ITGBL1: variants seen among roughly 807,000 people sequenced by gnomAD.
The protein encoded by ITGBL1 is integrin beta-like protein 1.
A neutral mutation model predicts 68.5 loss-of-function variants in ITGBL1; 51 were observed. The observed-to-expected ratio is 0.74, with a 90% CI of 0.59 to 0.94. ITGBL1 has a LOEUF of 0.94. Among genes scored for constraint, ITGBL1 ranks in the 40% least tolerant of loss-of-function variants. The pLI, the probability that ITGBL1 is intolerant of heterozygous loss-of-function variation, is 0.00. For missense variants in ITGBL1, 649 were observed against 647.4 expected (o/e 1.00, Z -0.03); for synonymous variants, 209 against 227.3 (o/e 0.92, Z 0.72).
chr13:101,485,013 A>G (rs1221943689), intron 2 of ITGBL1, among the ~76,000 whole-genome samples: 2 of 152,206 alleles, frequency 1.3e-5, no homozygotes, highest in Non-Finnish European at 2.9e-5. Flanking sequence ...ATACAGAGGA[A>G]CGAAAATAAG....
At chr13:101,619,982 C>A (rs909575953) in intron 7 of ITGBL1, among the ~76,000 whole-genome samples, 1 of 151,998 alleles carries the variant, frequency 6.6e-6, no homozygotes, top group African/African-American at 2.4e-5. Flanking sequence ...CAATTTATTC[C>A]ATGTTGTAAT....
rs533179356 is a variant in ITGBL1, at chr13:101,528,151, G to A, written c.317-39548G>A. Among the ~76,000 whole-genome samples, 11 of 150,986 alleles carry A rather than the reference G, an allele frequency of 7.3e-5. No homozygotes were observed. The South Asian group carries it at 2.3e-3, about 32-fold the overall frequency. On this transcript the variant is annotated intron_variant, in intron 2 of 10. Coordinates refer to ENST00000376180, the MANE Select transcript of ITGBL1 (RefSeq NM_004791.3). Reference sequence around the variant, plus strand: ...TTGTTTTTATATAAAAATATATATAGGTTTATTAATATTTAATGGTTTATT... The same window carrying A: ...TTGTTTTTATATAAAAATATATATAAGTTTATTAATATTTAATGGTTTATT...
intron 2 of ITGBL1, among the ~76,000 whole-genome samples, chr13:101,512,114 A>AT (rs944749630): frequency 2.0e-5 from 3 of 151,896 alleles, no homozygotes; most frequent in African/African-American, 7.3e-5. Context: ...TACTCGTCCT[A>AT]TTTTTTCTAT....
chr13:101,586,091 A>G (rs999157298), intron 6 of ITGBL1, among the ~76,000 whole-genome samples: 1 of 152,136 alleles, frequency 6.6e-6, no homozygotes, highest in Non-Finnish European at 1.5e-5. Context: ...GCAGCGTGTC[A>G]TTTAGTCTTG....
intron 7 of ITGBL1, among the ~76,000 whole-genome samples, chr13:101,608,053 A>G (rs2030953983): frequency 6.6e-6 from 1 of 152,062 alleles, no homozygotes; most frequent in Non-Finnish European, 1.5e-5. Flanking sequence ...TAAACACATA[A>G]CCATACACCC....
chr13:101,595,510 A>C (rs931593108), intron 6 of ITGBL1, among the ~76,000 whole-genome samples: 37 of 152,040 alleles, frequency 2.4e-4, no homozygotes, highest in Non-Finnish European at 4.1e-4. Flanking sequence ...AGCAAAAAAA[A>C]TCAAACAACC....
intron 2 of ITGBL1, among the ~76,000 whole-genome samples, chr13:101,481,079 T>TACAC (rs779796640): frequency 0.23 from 10,740 of 46,584 alleles, 599 homozygotes; most frequent in East Asian, 0.58. Context: ...TACATATATA[T>TACAC]ACACACATAT....
rs143976531 is a variant in ITGBL1 at position 101,675,135 on chromosome 13, C to T, written c.1016-17450C>T. Among the ~76,000 whole-genome samples the T allele has an allele frequency of 3.0e-4, 46 of 152,076 alleles. No homozygotes were observed. The East Asian group carries it at 6.9e-3, about 23-fold the overall frequency. On this transcript the variant is annotated intron_variant, in intron 7 of 10. Coordinates refer to ENST00000376180, the MANE Select transcript of ITGBL1 (RefSeq NM_004791.3). The stretch of plus-strand genomic sequence containing the variant: ...CCATTTCATCATCATCTGGTTTGGC[C>T]ATTTGTTTTGGTAATTCAGTTATCA...
At chr13:101,576,879 G>T (rs559672576) in intron 4 of ITGBL1, among the ~76,000 whole-genome samples, 1 of 151,522 alleles carries the variant, frequency 6.6e-6, no homozygotes, top group African/African-American at 2.4e-5. Flanking sequence ...AAAATAATTA[G>T]ATCAATTAGA....
intron 2 of ITGBL1, among the ~76,000 whole-genome samples, chr13:101,512,347 C>T (rs1318018477): frequency 6.6e-6 from 1 of 152,134 alleles, no homozygotes; most frequent in East Asian, 1.9e-4. Context: ...AAATTTCTGT[C>T]TCCACGTCTC....
intron 6 of ITGBL1, among the ~76,000 whole-genome samples, chr13:101,588,311 G>GTGTGTGTGTA (rs1346199877): frequency 6.6e-6 from 1 of 151,912 alleles, no homozygotes; most frequent in Non-Finnish European, 1.5e-5. Flanking sequence ...GTGTGTGTGT[G>GTGTGTGTGTA]TGTGCATGTG....
chr13:101,718,793 A>G (rs1006932942), downstream of ITGBL1: 1 of 152,014 alleles, frequency 6.6e-6, no homozygotes, highest in African/African-American at 2.4e-5. Context: ...AAAAAAAAAA[A>G]AACTAAAATA....
At chr13:101,666,994 T>C (rs1336454241) in intron 7 of ITGBL1, among the ~76,000 whole-genome samples, 2 of 152,200 alleles carry the variant, frequency 1.3e-5, no homozygotes, top group Non-Finnish European at 2.9e-5. Context: ...GCAAAACGAT[T>C]TGTCCAAATC....
chr13:101,702,543 T>C (rs1216804125), intron 8 of ITGBL1, among the ~76,000 whole-genome samples: 9 of 151,978 alleles, frequency 5.9e-5, no homozygotes, highest in Admixed American at 5.2e-4. Flanking sequence ...ATTTTCATAA[T>C]ATGTATTTTC....
intron 7 of ITGBL1, among the ~76,000 whole-genome samples, chr13:101,662,701 T>C (rs12865983): frequency 0.34 from 51,040 of 151,786 alleles, 9,644 homozygotes; most frequent in East Asian, 0.55. Context: ...GTGAGGAAAA[T>C]AGGGCACCCT....
intron 9 of ITGBL1, among the ~76,000 whole-genome samples, chr13:101,709,436 C>G (rs1257844164): frequency 5.6e-5 from 8 of 144,144 alleles, no homozygotes; most frequent in Admixed American, 5.5e-4. Context: ...AATTAAACTG[C>G]AAGAGAGAAG....
chr13:101,610,800 T>G (rs1316606688), intron 7 of ITGBL1, among the ~76,000 whole-genome samples: 3 of 152,098 alleles, frequency 2.0e-5, no homozygotes, highest in Admixed American at 1.3e-4. Context: ...GTGACAAATA[T>G]GTCGGGAGAA....
At chr13:101,512,765 A>G (rs1471123447) in intron 2 of ITGBL1, among the ~76,000 whole-genome samples, 1 of 152,098 alleles carries the variant, frequency 6.6e-6, no homozygotes, top group Non-Finnish European at 1.5e-5. Context: ...CCTTCCCTTA[A>G]GTCAATCTGC....
intron 7 of ITGBL1, among the ~76,000 whole-genome samples, chr13:101,674,999 T>G (rs1404148834): frequency 6.6e-6 from 1 of 152,180 alleles, no homozygotes; most frequent in Non-Finnish European, 1.5e-5. Flanking sequence ...TCACAACTTC[T>G]GTTAGTATCT....
Sources: gnomAD v4.1 joint callset for allele counts (sites outside exome capture counted in the v4.1 genomes callset) on GRCh38, gnomAD v4.1.1 for gene constraint, MANE v1.5 for transcripts, NCBI Gene and HGNC (gene_info 2026-07-23, HGNC 2026-07-21) for gene names.